Variants in GDNF observed in about 807,000 individuals in gnomAD.
GDNF encodes the protein glial cell derived neurotrophic factor.
GDNF carries 5 observed loss-of-function variants against 13.7 expected under a neutral mutation model. The ratio of observed to expected loss-of-function variants is 0.36; its 90% CI spans 0.19 to 0.77. GDNF has a LOEUF of 0.77. Ranked by LOEUF, GDNF falls within the 30% of genes least tolerant of loss-of-function variation. The probability of loss-of-function intolerance (pLI) is 0.51; values close to 1 mark genes in which losing one functional copy is unlikely to be tolerated. For missense variants in GDNF, 246 were observed against 274.3 expected, an observed-to-expected ratio of 0.90 and a Z score of 0.73; for synonymous variants, 122 against 112.5, an observed-to-expected ratio of 1.08 and a Z score of -0.53.
At chr5:37,817,803 C>T (rs1334259158) in intron 2 of GDNF, among the ~76,000 whole-genome samples, 1 of 152,124 alleles carries the variant, frequency 6.6e-6, no homozygotes, top group Non-Finnish European at 1.5e-5. Flanking sequence ...CCACAGTGGC[C>T]CCTGAACTGG....
Position 37,815,523 on chromosome 5 carries a change from T to TCCTCCTCA in GDNF, c.*127_*128insTGAGGAGG. The TCCTCCTCA allele has an allele frequency of 8.2e-6, 6 of 732,620 alleles. No individual in the cohort carries two copies. Among genetic ancestry groups the TCCTCCTCA allele is most frequent in the Non-Finnish European group, 9.0e-6 (4 of 442,524 alleles). The allele number at this position is 732,620 out of a possible 1,614,324, so 45.4% of individuals were successfully genotyped here. A position where few individuals can be genotyped will look rare whatever the true frequency, so the allele number is the denominator to read the frequency against. ...CCTCCTCCTCCTCCTCCTCCTCCTC[T>TCCTCCTCA]TCTTCTTCCTCCTCCTCCGCCTCCT... On this transcript the variant is annotated 3_prime_UTR_variant, in exon 3 of 3. Transcript: ENST00000326524. This position sits in a 1 kb window ranked among gnomAD's most constrained non-coding sequence, Gnocchi z 5.0.
intron 1 of GDNF, chr5:37,835,362 C>A: frequency 9.4e-7 from 1 of 1,063,624 alleles, no homozygotes; most frequent in Non-Finnish European, 1.3e-6. Flanking sequence ...GGGCTTCTGG[C>A]TAGTCGAGGG....
Position 37,815,877 on chromosome 5 carries a change from T to C in GDNF, c.410A>G (p.Lys137Arg), listed in dbSNP as rs1227230819. The change falls in exon 3 of 3, where the codon AAG becomes AGG. Residue 137 changes from lysine (K) to arginine (R), a missense_variant. By Grantham distance (26) the Lys-to-Arg change is conservative. Coordinates refer to ENST00000326524, the MANE Select transcript of GDNF (RefSeq NM_000514.4). This position sits in a 1 kb window ranked among gnomAD's most constrained non-coding sequence, Gnocchi z 5.0. ...GCAGTACCTAAAAATCAGTTCCTCC[T>C]TGGTTTCATAGCCCAGACCCAAGTC... ...VTDLGLGYET[K>R]EELIFRYCSG... 6.2e-7 allele frequency: 1 copy of C among 1,614,166 alleles called. No homozygotes were observed. The highest frequency in any genetic ancestry group is 1.1e-5 in the South Asian group (1 of 91,078).
At chr5:37,819,785 C>G (rs965144870) in intron 2 of GDNF, among the ~76,000 whole-genome samples, 1 of 152,120 alleles carries the variant, frequency 6.6e-6, no homozygotes, top group Non-Finnish European at 1.5e-5. Context: ...TTCCTTTGTA[C>G]TGCTTTCTCA....
At chr5:37,828,143 A>T (rs1260754317) in intron 2 of GDNF, among the ~76,000 whole-genome samples, 3 of 152,168 alleles carry the variant, frequency 2.0e-5, no homozygotes, top group African/African-American at 7.2e-5. Flanking sequence ...GTGCAGTCAC[A>T]CTAGGTTCCT....
chr5:37,832,779 G>A (rs2111711224), intron 2 of GDNF, among the ~76,000 whole-genome samples: 1 of 152,280 alleles, frequency 6.6e-6, no homozygotes, highest in African/African-American at 2.4e-5. Context: ...AGACTCATCT[G>A]GGGAACACCT....
At chr5:37,818,500 A>C (rs981908121) in intron 2 of GDNF, among the ~76,000 whole-genome samples, 1 of 152,194 alleles carries the variant, frequency 6.6e-6, no homozygotes, top group Non-Finnish European at 1.5e-5. Context: ...CTGTGAGTCC[A>C]TGAAACCTCT....
intron 1 of GDNF, chr5:37,835,790 C>T: frequency 1.3e-6 from 1 of 767,658 alleles, no homozygotes; most frequent in East Asian, 2.7e-5. Context: ...GCGCCCCCGT[C>T]ACGCCTGGAC....
Position 37,817,604 on chromosome 5 carries a change from AGTGTGTGT to A in GDNF, c.152-1477_152-1470del, listed in dbSNP as rs34626556. On this transcript the variant is annotated intron_variant, in intron 2 of 2. Transcript: ENST00000326524. The stretch of plus-strand genomic sequence containing the variant: ...AAGCAACTTAACCACGTGTGTGTAG[AGTGTGTGT>A]GTGTGTGTGTGTGTGTGTAATATAT... Among the ~76,000 whole-genome samples, 17 of 149,658 alleles carry A rather than the reference AGTGTGTGT, an allele frequency of 1.1e-4. No individual in the cohort carries two copies. The East Asian group carries it at 1.6e-3, about 14-fold the overall frequency.
At chr5:37,834,057 T>G (rs1750612220) in intron 2 of GDNF, among the ~76,000 whole-genome samples, 2 of 152,360 alleles carry the variant, frequency 1.3e-5, no homozygotes, top group Admixed American at 1.3e-4. Flanking sequence ...TATGGTTAAG[T>G]CTTTCTAGAA....
chr5:37,831,323 G>C (rs939235117), intron 2 of GDNF, among the ~76,000 whole-genome samples: 2 of 152,192 alleles, frequency 1.3e-5, no homozygotes, highest in African/African-American at 4.8e-5. Flanking sequence ...TTTATTAGGT[G>C]TATCAAGGTA....
intron 2 of GDNF, among the ~76,000 whole-genome samples, chr5:37,833,584 T>C (rs1024583715): frequency 2.0e-5 from 3 of 152,218 alleles, no homozygotes; most frequent in Non-Finnish European, 4.4e-5. Context: ...TTTGGGGGAC[T>C]CAGCGCACAG....
At chr5:37,834,913 C>G in intron 1 of GDNF, 91 bp from the exon 2 acceptor site, 1 of 1,152,888 alleles carries the variant, frequency 8.7e-7, no homozygotes. Flanking sequence ...TCTCCAACCT[C>G]GTCACCGCCC....
In GDNF at chr5:37,815,237, C is replaced by T. The variant is rs565976844; in HGVS notation, c.*414G>A. 2 of 244,226 alleles carry T rather than the reference C, an allele frequency of 8.2e-6. No homozygotes were observed. The highest frequency in any genetic ancestry group is 6.1e-5 in the South Asian group (1 of 16,476). 15.1% of individuals were successfully genotyped at this position (244,226 alleles called of 1,614,324 possible). ...AGGATCTCTGTTTCCCTGGTGTCTT[C>T]GGACACATGAAAACAAATCACAGGA... On this transcript the variant is annotated 3_prime_UTR_variant, in exon 3 of 3. Coordinates refer to ENST00000326524, the MANE Select transcript of GDNF (RefSeq NM_000514.4). This position sits in a 1 kb window ranked among gnomAD's most constrained non-coding sequence, Gnocchi z 5.0.
At chr5:37,828,778 A>T (rs1025534416) in intron 2 of GDNF, among the ~76,000 whole-genome samples, 1 of 152,246 alleles carries the variant, frequency 6.6e-6, no homozygotes, top group African/African-American at 2.4e-5. Flanking sequence ...TGTGTTCATC[A>T]TGTGGATAGT....
intron 2 of GDNF, among the ~76,000 whole-genome samples, chr5:37,834,042 C>T (rs1476300324): frequency 1.3e-5 from 2 of 152,200 alleles, no homozygotes; most frequent in Non-Finnish European, 2.9e-5. Flanking sequence ...CCAGCCAGCA[C>T]TATTTATGGT....
Position 37,838,495 on chromosome 5 carries a change from G to A in GDNF, c.-27+1012C>T, listed in dbSNP as rs1218473644. On this transcript the variant is annotated intron_variant, in intron 1 of 2. Coordinates refer to ENST00000326524, the MANE Select transcript of GDNF (RefSeq NM_000514.4). This position sits in a 1 kb window ranked among gnomAD's most constrained non-coding sequence, Gnocchi z 4.1. ...TCTAACATCTCCGCAGCAGGGGCCG[G>A]AAGAGTTGCCTTTGTCCCCGCCTAT... Among the ~76,000 whole-genome samples the A allele has an allele frequency of 2.0e-5, 3 of 152,240 alleles. No homozygotes were observed. Among genetic ancestry groups the A allele is most frequent in the East Asian group, 1.9e-4 (1 of 5,196 alleles).
At chr5:37,821,098 G>C (rs1028657992) in intron 2 of GDNF, among the ~76,000 whole-genome samples, 46 of 152,216 alleles carry the variant, frequency 3.0e-4, no homozygotes, top group Non-Finnish European at 4.9e-4. Context: ...TTATCGATGC[G>C]AGGCACCTGG....
At chr5:37,835,336 G>A in intron 1 of GDNF, 1 of 726,038 alleles carries the variant, frequency 1.4e-6, no homozygotes, top group African/African-American at 1.8e-5. Context: ...GCATTCCCCT[G>A]CCTCGGGTCC....
Sources: allele counts gnomAD v4.1 joint callset (sites outside exome capture counted in the v4.1 genomes callset), GRCh38; gene constraint gnomAD v4.1.1; non-coding constraint Gnocchi (gnomAD v3.1); transcripts MANE v1.5; gene names NCBI Gene and HGNC (gene_info 2026-07-23, HGNC 2026-07-21).